The following IRAK4 variants were observed in gnomAD, a reference collection of about 807,000 sequenced individuals.
IRAK4 encodes the protein interleukin-1 receptor-associated kinase 4.
IRAK4 carries 44 observed loss-of-function variants against 51.8 expected under a neutral mutation model. That is an observed-to-expected ratio of 0.85 (90% CI 0.67 to 1.09). The LOEUF (loss-of-function observed/expected upper bound fraction) is 1.09. IRAK4 is among the 50% of genes least tolerant of loss of function. The probability of loss-of-function intolerance (pLI) is 0.00; values close to 1 mark genes in which losing one functional copy is unlikely to be tolerated. For synonymous variants in IRAK4, 149 were observed against 174.1 expected (o/e 0.86, Z 1.13); for missense variants, 487 against 538.0 (o/e 0.91, Z 0.94).
intron 8 of IRAK4, among the ~76,000 whole-genome samples, chr12:43,782,098 CTA>C (rs4251524): frequency 0.012 from 1,782 of 152,196 alleles, 36 homozygotes; most frequent in African/African-American, 0.04. Context: ...TTCTCTTTAG[CTA>C]TAATCTGAAT....
At chr12:43,769,621 C>A (rs1940537999) in intron 2 of IRAK4, among the ~76,000 whole-genome samples, 1 of 152,104 alleles carries the variant, frequency 6.6e-6, no homozygotes, top group Non-Finnish European at 1.5e-5. Context: ...CACTGCACTC[C>A]AGCCTGAGTG....
intron 10 of IRAK4, among the ~76,000 whole-genome samples, chr12:43,786,144 C>CT (rs1413084515): frequency 6.6e-6 from 1 of 151,628 alleles, no homozygotes; most frequent in Non-Finnish European, 1.5e-5. Flanking sequence ...AACGATTCTC[C>CT]TGCCAGCCTT....
rs142684814 is a variant in IRAK4, at chr12:43,774,961, A to G, written c.716+932A>G. ...CCATTTTGTTTGTTAACTGAGATTT[A>G]GAAACATTAAATAGCTTGTCCAAGA... On this transcript the variant is annotated intron_variant, in intron 6 of 11. Coordinates refer to ENST00000613694, the MANE Select transcript of IRAK4 (RefSeq NM_016123.4). Among the ~76,000 whole-genome samples, 3 of 152,250 alleles carry G rather than the reference A, an allele frequency of 2.0e-5. 1 individual carries two copies. The highest frequency in any genetic ancestry group is 1.3e-4 in the Admixed American group (2 of 15,288).
intron 4 of IRAK4, 116 bp from the exon 5 acceptor site, chr12:43,772,796 T>C (rs1013421983): frequency 3.9e-6 from 3 of 772,250 alleles, no homozygotes; most frequent in Admixed American, 2.7e-5. Context: ...TCTCTCATCT[T>C]GTCTAATTCA....
intron 10 of IRAK4, among the ~76,000 whole-genome samples, chr12:43,785,449 C>A (rs1262376815): frequency 6.6e-6 from 1 of 152,008 alleles, no homozygotes; most frequent in South Asian, 2.1e-4. Context: ...TGGAATTGCG[C>A]TATTAGAAGC....
intron 2 of IRAK4, among the ~76,000 whole-genome samples, chr12:43,768,948 G>T (rs1410202897): frequency 6.6e-6 from 1 of 152,134 alleles, no homozygotes; most frequent in Non-Finnish European, 1.5e-5. Flanking sequence ...GCATTAATCT[G>T]GGAAAGAACC....
At chr12:43,771,901 T>C (rs1940805450) in intron 3 of IRAK4, among the ~76,000 whole-genome samples, 2 of 152,214 alleles carry the variant, frequency 1.3e-5, no homozygotes, top group Non-Finnish European at 2.9e-5. Flanking sequence ...ATCAGAATTC[T>C]GGAATTGGGT....
chr12:43,760,214 T>C (rs1939355530), intron 1 of IRAK4, among the ~76,000 whole-genome samples: 1 of 130,822 alleles, frequency 7.6e-6, no homozygotes, highest in Non-Finnish European at 1.6e-5. Flanking sequence ...CTTCTCACTC[T>C]CCACATCAGC....
rs4251547 is a variant in IRAK4, at chr12:43,786,985, C to T, written c.*270C>T. ...ATCACCAAACACAGTTTGAAAATTA[C>T]AGGGTTAGCAAAAAGAGCCTGGGCT... On this transcript the variant is annotated 3_prime_UTR_variant, in exon 12 of 12. Transcript: ENST00000613694. The T allele has an allele frequency of 4.0e-3, 1,883 of 471,728 alleles. 27 individuals are homozygous for T. Among genetic ancestry groups the T allele is most frequent in the African/African-American group, 0.033 (1,682 of 50,922 alleles). The allele number at this position is 471,728 out of a possible 1,614,324, so 29.2% of individuals were successfully genotyped here.
At chr12:43,777,796 AT>A (rs1291796871) in intron 7 of IRAK4, 52 bp downstream of exon 7, 1 of 1,361,954 alleles carries the variant, frequency 7.3e-7, no homozygotes, top group Non-Finnish European at 1.1e-6. Context: ...ATGCTGGAAT[AT>A]TAATATTCAT....
chr12:43,768,102 G>A lies in IRAK4; in HGVS notation c.-9-1G>A, dbSNP rs1237408228. The A allele has an allele frequency of 1.2e-6, 2 of 1,611,342 alleles. No individual in the cohort carries two copies. Among genetic ancestry groups the A allele is most frequent in the Middle Eastern group, 1.7e-4 (1 of 6,040 alleles). ...TTTAATGAGATTTTTCCATATTTTA[G>A]GAATAGAAGATGAACAAACCCATAA... On this transcript the variant is annotated splice_acceptor_variant, in intron 1 of 11. Coordinates refer to ENST00000613694, the MANE Select transcript of IRAK4 (RefSeq NM_016123.4). LOFTEE classifies it low-confidence loss of function (5UTR_SPLICE).
Position 43,772,225 on chromosome 12 carries a change from T to C in IRAK4, c.353T>C (p.Ile118Thr). Residue 118 changes from isoleucine (I) to threonine (T), a missense_variant, in exon 4 of 12, where the codon ATA becomes ACA. Transcript: ENST00000613694. ...AATACACTACCTTCTAAAGAAGCTA[T>C]AACAGTTCAGCAAAAACAGATGCCT... Reference protein sequence around the residue: ...TANTLPSKEAITVQQKQMPFC... With the variant: ...TANTLPSKEATTVQQKQMPFC... The C allele has an allele frequency of 6.2e-7, 1 of 1,613,824 alleles. No homozygotes were observed. Among genetic ancestry groups the C allele is most frequent in the Non-Finnish European group, 8.5e-7 (1 of 1,179,890 alleles).
intron 2 of IRAK4, chr12:43,768,498 G>T (rs994806303): frequency 1.1e-5 from 4 of 367,726 alleles, no homozygotes; most frequent in Non-Finnish European, 1.5e-5. Flanking sequence ...AAGTTTTTTG[G>T]GTTAGAATCA....
rs1218691201 is a variant in IRAK4 at position 43,772,227 on chromosome 12, A to G, written c.355A>G (p.Thr119Ala). The change falls in exon 4 of 12, where the codon ACA becomes GCA. Residue 119 changes from threonine (T) to alanine (A), a missense_variant. Physicochemically the swap from Thr to Ala is moderately conservative, Grantham distance 58. Coordinates refer to ENST00000613694, the MANE Select transcript of IRAK4 (RefSeq NM_016123.4). Reference sequence around the variant, plus strand: ...TACACTACCTTCTAAAGAAGCTATAACAGTTCAGCAAAAACAGATGCCTTT... The same window carrying G: ...TACACTACCTTCTAAAGAAGCTATAGCAGTTCAGCAAAAACAGATGCCTTT... Reference protein sequence around the residue: ...ANTLPSKEAITVQQKQMPFCD... With the variant: ...ANTLPSKEAIAVQQKQMPFCD... 6.2e-7 allele frequency: 1 copy of G among 1,613,834 alleles called. No homozygotes were observed. The highest frequency in any genetic ancestry group is 8.5e-7 in the Non-Finnish European group (1 of 1,179,890).
At chr12:43,765,453 C>A (rs1487750761) in intron 1 of IRAK4, among the ~76,000 whole-genome samples, 1 of 152,122 alleles carries the variant, frequency 6.6e-6, no homozygotes, top group East Asian at 1.9e-4. Flanking sequence ...TTTCACCATT[C>A]TTCCAACCAA....
At chr12:43,778,819 A>G (rs1006010040) in intron 8 of IRAK4, among the ~76,000 whole-genome samples, 2 of 152,018 alleles carry the variant, frequency 1.3e-5, no homozygotes, top group Admixed American at 1.3e-4. Flanking sequence ...CATAGGATTA[A>G]TATAAAGAAG....
In IRAK4 at chr12:43,782,642, TA is replaced by T. The variant is rs1279710551; in HGVS notation, c.1125+157del. The T allele has an allele frequency of 4.5e-6, 3 of 661,948 alleles. No homozygotes were observed. The African/African-American group carries it at 5.4e-5, about 12-fold the overall frequency. The allele number at this position is 661,948 out of a possible 1,614,324, so 41.0% of individuals were successfully genotyped here. On this transcript the variant is annotated intron_variant, in intron 9 of 11. Transcript: ENST00000613694. ...ACCTCTACTTATACCAGAAAGTTTA[TA>T]AAAACTTCTTCCAATGTGTAAAACT... is the stretch of plus-strand genomic sequence containing the variant.
chr12:43,759,553 G>A (rs1340382085), intron 1 of IRAK4: 1 of 152,502 alleles, frequency 6.6e-6, no homozygotes, highest in Non-Finnish European at 1.5e-5. Flanking sequence ...CAGCTTGGAA[G>A]CCAGAGGGAG....
intron 1 of IRAK4, among the ~76,000 whole-genome samples, chr12:43,767,438 G>A (rs1940270862): frequency 6.6e-6 from 1 of 152,174 alleles, no homozygotes; most frequent in African/African-American, 2.4e-5. Flanking sequence ...AGAAGTAAAG[G>A]GGGATTGCAG....
Sources: allele counts gnomAD v4.1 joint callset (sites outside exome capture counted in the v4.1 genomes callset), GRCh38; gene constraint gnomAD v4.1.1; transcripts MANE v1.5; gene names NCBI Gene and HGNC (gene_info 2026-07-23, HGNC 2026-07-21).